The following ZNF382 variants were observed in gnomAD, a reference collection of about 807,000 sequenced individuals.
The protein encoded by ZNF382 is zinc finger protein 382.
In ZNF382, 20 loss-of-function variants were observed where a neutral mutation model predicts 38.8. The ratio of observed to expected loss-of-function variants is 0.51; its 90% confidence interval spans 0.36 to 0.75. The LOEUF (loss-of-function observed/expected upper bound fraction) is 0.75, where lower values mean the gene tolerates loss of function less well. Among genes scored for constraint, ZNF382 ranks in the 30% least tolerant of loss-of-function variants. The probability of loss-of-function intolerance (pLI) is 0.00; values close to 1 mark genes in which losing one functional copy is unlikely to be tolerated. For missense variants in ZNF382, 546 were observed against 654.1 expected, an observed-to-expected ratio of 0.83 and a Z score of 1.80; for synonymous variants, 202 against 223.1, an observed-to-expected ratio of 0.91 and a Z score of 0.84.
Position 36,630,314 on chromosome 19 carries a change from C to A in ZNF382, c.*2764C>A, listed in dbSNP as rs2037245518. On this transcript the variant is annotated 3_prime_UTR_variant, in exon 5 of 5. Transcript: ENST00000292928. The stretch of plus-strand genomic sequence containing the variant: ...CTAATGAATGTCCGTGAAGGAGGTA[C>A]TTTTGAATGCTTTAAAGAAAGTCTA... The A allele has an allele frequency of 6.6e-6, 1 of 151,420 alleles. No homozygotes were observed. Among genetic ancestry groups the A allele is most frequent in the African/African-American group, 2.4e-5 (1 of 41,208 alleles). 9.4% of individuals were successfully genotyped at this position (151,420 alleles called of 1,614,324 possible).
intron 4 of ZNF382, among the ~76,000 whole-genome samples, chr19:36,616,848 G>A (rs944377868): frequency 6.6e-6 from 1 of 152,062 alleles, no homozygotes; most frequent in Non-Finnish European, 1.5e-5. Flanking sequence ...TGTGGGGCAG[G>A]GCACCTAAAG....
Position 36,628,075 on chromosome 19 carries a change from T to G in ZNF382, c.*525T>G, listed in dbSNP as rs1326262112. The G allele has an allele frequency of 6.5e-6, 1 of 154,396 alleles. No homozygotes were observed. Among genetic ancestry groups the G allele is most frequent in the Non-Finnish European group, 1.4e-5 (1 of 69,442 alleles). The allele number at this position is 154,396 out of a possible 1,614,324, so 9.6% of individuals were successfully genotyped here. A position where few individuals can be genotyped will look rare whatever the true frequency, so the allele number is the denominator to read the frequency against. Reference sequence around the variant, plus strand: ...TTTCTATAAATTGGATTATATATCATGTATTCTTTCATATACAGCTTATTA... The same window carrying G: ...TTTCTATAAATTGGATTATATATCAGGTATTCTTTCATATACAGCTTATTA... On this transcript the variant is annotated 3_prime_UTR_variant, in exon 5 of 5. Transcript: ENST00000292928.
chr19:36,610,611 G>A (rs201224959), intron 3 of ZNF382, 39 bp from the exon 4 acceptor site: 56 of 1,555,870 alleles, frequency 3.6e-5, no homozygotes, highest in Middle Eastern at 3.4e-4. Context: ...TTTTAAAGTC[G>A]AAACAGCTTA....
chr19:36,611,245 A>C (rs943744696), intron 4 of ZNF382, among the ~76,000 whole-genome samples: 2 of 152,008 alleles, frequency 1.3e-5, no homozygotes, highest in Admixed American at 6.6e-5. Flanking sequence ...AGCCAAGATC[A>C]CACCACTGCA....
In ZNF382 at chr19:36,627,042, G is replaced by A; in HGVS notation, c.1145G>A (p.Cys382Tyr). Residue 382 changes from cysteine to tyrosine, a missense_variant, in exon 5 of 5, where the codon TGT becomes TAT. Coordinates refer to ENST00000292928, the MANE Select transcript of ZNF382 (RefSeq NM_032825.5). ...CATACGGGGGAGAAAGCCTATGAAT[G>A]TCCTCAGTGTGGAAGTGCCTTTAGG... is the stretch of plus-strand genomic sequence containing the variant. ...KTHTGEKAYECPQCGSAFRKK... is the reference protein window; with the variant it reads ...KTHTGEKAYEYPQCGSAFRKK... 1 of 1,613,792 alleles carries A rather than the reference G, an allele frequency of 6.2e-7. No homozygotes were observed. The highest frequency in any genetic ancestry group is 8.5e-7 in the Non-Finnish European group (1 of 1,179,948).
Position 36,607,545 on chromosome 19 carries a change from T to G in ZNF382, c.-84-7T>G. 6.6e-7 allele frequency: 1 copy of G among 1,508,408 alleles called. No individual in the cohort carries two copies. The highest frequency in any genetic ancestry group is 8.9e-7 in the Non-Finnish European group (1 of 1,123,142). 93.4% of individuals were successfully genotyped at this position (1,508,408 alleles called of 1,614,324 possible). ...CATACGTATATCCTCCATCTTTGCT[T>G]TCTCAGGACTGTTTCTTTTTCCAAA... On this transcript the variant is annotated splice_polypyrimidine_tract_variant and splice_region_variant and intron_variant, in intron 1 of 4. Transcript: ENST00000292928.
chr19:36,621,324 GTT>G (rs10557413), intron 4 of ZNF382, among the ~76,000 whole-genome samples: 20,484 of 104,440 alleles, frequency 0.2, 1,621 homozygotes, highest in Middle Eastern at 0.26. Context: ...TTTTTCCCTA[GTT>G]TTTTTTTTTT....
chr19:36,606,236 C>G (rs1174320170), intron 1 of ZNF382, among the ~76,000 whole-genome samples: 1 of 151,368 alleles, frequency 6.6e-6, no homozygotes, highest in African/African-American at 2.4e-5. Flanking sequence ...TTCCCAGATT[C>G]ATTTCCTGGA....
At chr19:36,622,140 G>C (rs1288114329) in intron 4 of ZNF382, among the ~76,000 whole-genome samples, 2 of 151,830 alleles carry the variant, frequency 1.3e-5, no homozygotes, top group Non-Finnish European at 2.9e-5. Context: ...TCATGCCTCA[G>C]CCTCCCAAGT....
intron 4 of ZNF382, among the ~76,000 whole-genome samples, chr19:36,615,919 C>T (rs2037122610): frequency 6.6e-6 from 1 of 151,816 alleles, no homozygotes; most frequent in South Asian, 2.1e-4. Context: ...TTTATTAAAC[C>T]AACAATATTA....
intron 4 of ZNF382, among the ~76,000 whole-genome samples, chr19:36,617,963 C>G (rs1024917741): frequency 6.6e-6 from 1 of 152,084 alleles, no homozygotes; most frequent in Non-Finnish European, 1.5e-5. Context: ...GCAGTCTTTA[C>G]TCCTAAAACG....
chr19:36,613,422 CT>C (rs11353427), intron 4 of ZNF382, among the ~76,000 whole-genome samples: 37,387 of 120,942 alleles, frequency 0.31, 4,229 homozygotes, highest in South Asian at 0.39. Flanking sequence ...GTATATTTTG[CT>C]TTTTTTTTTT....
intron 4 of ZNF382, among the ~76,000 whole-genome samples, chr19:36,622,024 A>AT (rs11379806): frequency 0.62 from 90,616 of 145,500 alleles, 28,018 homozygotes; most frequent in East Asian, 0.78. Context: ...AGGTTCGATA[A>AT]TTTTTTTTTT....
chr19:36,609,709 A>G lies in ZNF382; in HGVS notation c.-13-193A>G, dbSNP rs567579163. On this transcript the variant is annotated intron_variant, in intron 2 of 4. Transcript: ENST00000292928. ...TTTATTCATTTTGGTCTACCAGGCA[A>G]CCAGTCACATTCAGGACAAATAGTG... The G allele has an allele frequency of 2.4e-5, 12 of 497,068 alleles. No homozygotes were observed. The East Asian group carries it at 4.4e-4, about 18-fold the overall frequency. The allele number at this position is 497,068 out of a possible 1,614,324, so 30.8% of individuals were successfully genotyped here.
rs1164028803 is a variant in ZNF382 at position 36,628,243 on chromosome 19, G to A, written c.*693G>A. ...GGACTTTTACATTGTTTACAGCTTA[G>A]GGTCATAATAAATCATGCTTCTGAG... On this transcript the variant is annotated 3_prime_UTR_variant, in exon 5 of 5. Coordinates refer to ENST00000292928, the MANE Select transcript of ZNF382 (RefSeq NM_032825.5). 6.6e-6 allele frequency: 1 copy of A among 152,100 alleles called. No individual in the cohort carries two copies. The highest frequency in any genetic ancestry group is 1.9e-4 in the East Asian group (1 of 5,184). 9.4% of individuals were successfully genotyped at this position (152,100 alleles called of 1,614,324 possible). A position where few individuals can be genotyped will look rare whatever the true frequency, so the allele number is the denominator to read the frequency against.
At chr19:36,614,543 C>T (rs2037105495) in intron 4 of ZNF382, among the ~76,000 whole-genome samples, 1 of 152,134 alleles carries the variant, frequency 6.6e-6, no homozygotes, top group African/African-American at 2.4e-5. Flanking sequence ...TCTCTAATTC[C>T]TGAAAGCAAT....
Position 36,633,775 on chromosome 19 carries a change from G to T in ZNF382, c.*6225G>T, listed in dbSNP as rs908603813. The T allele has an allele frequency of 6.6e-6, 1 of 152,136 alleles. No homozygotes were observed. The highest frequency in any genetic ancestry group is 6.5e-5 in the Admixed American group (1 of 15,276). The allele number at this position is 152,136 out of a possible 1,614,324, so 9.4% of individuals were successfully genotyped here. ...CAATAATGAGCTACTGAAACATGCA[G>T]CTACATAGATGAACCTCAAATGCAT... On this transcript the variant is annotated 3_prime_UTR_variant, in exon 5 of 5. Coordinates refer to ENST00000292928, the MANE Select transcript of ZNF382 (RefSeq NM_032825.5).
At chr19:36,609,845 A>G in intron 2 of ZNF382, 57 bp from the exon 3 acceptor site, 1 of 1,473,274 alleles carries the variant, frequency 6.8e-7, no homozygotes, top group Non-Finnish European at 9.1e-7. Flanking sequence ...TGACCAGTAA[A>G]CATTGTCAGT....
At position 36,625,089 on chromosome 19, in the gene ZNF382, AATATATATATATATATATATATATATAT is replaced by A. The variant is rs371760229; in HGVS notation, c.233-1029_233-1002del. On this transcript the variant is annotated intron_variant, in intron 4 of 4. Transcript: ENST00000292928. Reference sequence around the variant, plus strand: ...TCTCAAAAAAATAAAAATGAATTTAAATATATATATATATATATATATATATATATATATATATAATGTATACACAACA... The same window carrying A: ...TCTCAAAAAAATAAAAATGAATTTAAATATATATATAATGTATACACAACA... 3.1e-3 allele frequency among the ~76,000 whole-genome samples: 134 copies of A among 42,996 alleles called. 6 individuals are homozygous for A. The East Asian group carries it at 0.071, about 23-fold the overall frequency. 28.2% of individuals were successfully genotyped at this position (42,996 alleles called of 152,430 possible). A position where few individuals can be genotyped will look rare whatever the true frequency, so the allele number is the denominator to read the frequency against.
Sources: allele counts gnomAD v4.1 joint callset (sites outside exome capture counted in the v4.1 genomes callset), GRCh38; gene constraint gnomAD v4.1.1; transcripts MANE v1.5; gene names NCBI Gene and HGNC (gene_info 2026-07-23, HGNC 2026-07-21).